PDE1C: variants seen among roughly 807,000 people sequenced by gnomAD.
The protein encoded by PDE1C is dual specificity calcium/calmodulin-dependent 3',5'-cyclic nucleotide phosphodiesterase 1C.
A neutral mutation model predicts 93.1 loss-of-function variants in PDE1C; 62 were observed. The observed-to-expected ratio is 0.67, with a 90% CI of 0.54 to 0.82. The LOEUF is 0.82. PDE1C is among the 40% of genes least tolerant of loss of function. The pLI is 0.00. For missense variants in PDE1C, 742 were observed against 884.6 expected, an observed-to-expected ratio of 0.84 and a Z score of 2.04; for synonymous variants, 325 against 310.1, an observed-to-expected ratio of 1.05 and a Z score of -0.50.
At chr7:31,701,622 A>G in the PDE1C span, among the ~76,000 whole-genome samples, 10 of 152,212 alleles carry the variant, frequency 6.6e-5, no homozygotes, top group Admixed American at 2.0e-4. Context: ...AGCATCACAT[A>G]CTAGAGCAAA....
At chr7:32,177,120 A>G (rs1410397533) in intron 2 of PDE1C, among the ~76,000 whole-genome samples, 1 of 152,214 alleles carries the variant, frequency 6.6e-6, no homozygotes, top group Non-Finnish European at 1.5e-5. Flanking sequence ...AACAAAGAAC[A>G]CTGCCGTGTG....
chr7:31,819,208 G>T (rs898846073), intron 14 of PDE1C, among the ~76,000 whole-genome samples: 1 of 152,066 alleles, frequency 6.6e-6, no homozygotes, highest in Admixed American at 6.6e-5. Context: ...TGAGATAGCT[G>T]ACATTAGTGT....
At chr7:31,641,411 T>A in the PDE1C span, among the ~76,000 whole-genome samples, 1 of 152,002 alleles carries the variant, frequency 6.6e-6, no homozygotes. Flanking sequence ...ACCCCCTTCC[T>A]CCTGAGAGAC....
the PDE1C span, chr7:31,656,488 A>G: frequency 2.0e-6 from 2 of 982,460 alleles, no homozygotes; most frequent in African/African-American, 3.5e-5. Flanking sequence ...CAAGAACTCA[A>G]TAAATGCTAA....
At chr7:31,740,807 A>C in the PDE1C span, among the ~76,000 whole-genome samples, 1 of 152,150 alleles carries the variant, frequency 6.6e-6, no homozygotes, top group Non-Finnish European at 1.5e-5. Flanking sequence ...GGTGGCTTAC[A>C]TCTGTAATCT....
chr7:31,857,896 A>G (rs1195703709), intron 7 of PDE1C, among the ~76,000 whole-genome samples: 2 of 152,226 alleles, frequency 1.3e-5, no homozygotes, highest in Non-Finnish European at 2.9e-5. Context: ...ACAATAGCAC[A>G]TTCAAAGGGC....
intron 3 of PDE1C, among the ~76,000 whole-genome samples, chr7:32,112,842 GTGTGTATATATATA>G (rs1246531661): frequency 5.9e-5 from 3 of 50,668 alleles, no homozygotes; most frequent in African/African-American, 2.8e-4. Context: ...GTGTGTGTGT[GTGTGTATATATATA>G]TATATATATA....
At chr7:32,215,555 T>C (rs1222197963) in intron 1 of PDE1C, among the ~76,000 whole-genome samples, 1 of 151,944 alleles carries the variant, frequency 6.6e-6, no homozygotes, top group Non-Finnish European at 1.5e-5. Context: ...TGGAGACCAA[T>C]GGGAGGGAGG....
chr7:31,785,166 G>C (rs954156690), intron 16 of PDE1C: 1 of 152,244 alleles, frequency 6.6e-6, no homozygotes, highest in Non-Finnish European at 1.5e-5. Context: ...AGAATACGTG[G>C]CTGAAGCTGA....
intron 2 of PDE1C, among the ~76,000 whole-genome samples, chr7:32,172,360 C>T (rs1273100478): frequency 6.6e-6 from 1 of 152,012 alleles, no homozygotes; most frequent in Admixed American, 6.5e-5. Flanking sequence ...AAACAAACAA[C>T]ACCATCAAAA....
At chr7:32,209,680 T>C (rs1313975687) in intron 1 of PDE1C, 1 of 647,912 alleles carries the variant, frequency 1.5e-6, no homozygotes, top group African/African-American at 1.8e-5. Context: ...GCAACTTTAC[T>C]CCCTCCGTGT....
At chr7:32,050,661 A>G (rs1793229274) in intron 2 of PDE1C, among the ~76,000 whole-genome samples, 4 of 152,190 alleles carry the variant, frequency 2.6e-5, no homozygotes, top group Admixed American at 2.0e-4. Context: ...AATAAATTCC[A>G]CGAGGAAGTA....
At chr7:32,156,415 T>C (rs931842595) in intron 3 of PDE1C, among the ~76,000 whole-genome samples, 1 of 152,154 alleles carries the variant, frequency 6.6e-6, no homozygotes, top group African/African-American at 2.4e-5. Context: ...CGTTGGCCAT[T>C]CACATCACCA....
At chr7:31,644,530 A>G in the PDE1C span, among the ~76,000 whole-genome samples, 1 of 152,182 alleles carries the variant, frequency 6.6e-6, no homozygotes, top group East Asian at 1.9e-4. Flanking sequence ...ACTGTTTTAC[A>G]TTGTTCAGGT....
At chr7:32,298,794 C>T (rs554864514) in exon 1 of PDE1C, 20 of 1,536,892 alleles carry the variant, frequency 1.3e-5, no homozygotes, top group Non-Finnish European at 1.7e-5. Flanking sequence ...CGGTCCCCCC[C>T]ACGGCGGAGT....
chr7:31,938,049 G>C (rs566839144), intron 2 of PDE1C, among the ~76,000 whole-genome samples: 24 of 152,182 alleles, frequency 1.6e-4, no homozygotes, highest in South Asian at 4.1e-4. Context: ...TTAAGATGAA[G>C]AGAAAGCCCT....
At chr7:31,968,359 A>G (rs1563118113) in intron 2 of PDE1C, among the ~76,000 whole-genome samples, 1 of 152,116 alleles carries the variant, frequency 6.6e-6, no homozygotes, top group East Asian at 1.9e-4. Flanking sequence ...CCCATTCACA[A>G]CTGCTTCAAA....
At chr7:31,649,851 T>A in the PDE1C span, among the ~76,000 whole-genome samples, 1 of 152,136 alleles carries the variant, frequency 6.6e-6, no homozygotes, top group East Asian at 1.9e-4. Context: ...GTTAAAGCCA[T>A]GAAAACAGAT....
the PDE1C span, among the ~76,000 whole-genome samples, chr7:31,722,549 A>G: frequency 6.6e-6 from 1 of 152,174 alleles, no homozygotes; most frequent in African/African-American, 2.4e-5. Context: ...ATGAGAGCTT[A>G]TAACAAGGGA....
Sources: allele counts gnomAD v4.1 joint callset (sites outside exome capture counted in the v4.1 genomes callset), GRCh38; gene constraint gnomAD v4.1.1; transcripts MANE v1.5; gene names NCBI Gene and HGNC (gene_info 2026-07-23, HGNC 2026-07-21).